Variants in SLC35F4 observed in about 807,000 individuals in gnomAD.
SLC35F4 encodes the protein solute carrier family 35 member F4, also known as chromosome 14 open reading frame 36.
In SLC35F4, 24 loss-of-function variants were observed where a neutral mutation model predicts 44.2. The ratio of observed to expected loss-of-function variants is 0.54; its 90% confidence interval spans 0.39 to 0.76. SLC35F4 has a LOEUF of 0.76. SLC35F4 is among the 30% of genes least tolerant of loss of function. The probability of loss-of-function intolerance (pLI) is 0.00; values close to 1 mark genes in which losing one functional copy is unlikely to be tolerated. For synonymous variants in SLC35F4, 238 were observed against 223.6 expected, an observed-to-expected ratio of 1.06 and a Z score of -0.57; for missense variants, 562 against 586.1, an observed-to-expected ratio of 0.96 and a Z score of 0.42.
At chr14:57,788,909 C>G (rs2077838364) in intron 1 of SLC35F4, among the ~76,000 whole-genome samples, 1 of 152,172 alleles carries the variant, frequency 6.6e-6, no homozygotes, top group Non-Finnish European at 1.5e-5. Flanking sequence ...TCCTGAATGA[C>G]TACTGGGTAC....
chr14:57,817,092 A>G (rs1323737485), intron 1 of SLC35F4, among the ~76,000 whole-genome samples: 1 of 152,186 alleles, frequency 6.6e-6, no homozygotes, highest in African/African-American at 2.4e-5. Context: ...CACTATCAAA[A>G]GGCTCACCTC....
At chr14:57,826,160 A>T (rs967239976) in intron 1 of SLC35F4, among the ~76,000 whole-genome samples, 7 of 152,208 alleles carry the variant, frequency 4.6e-5, no homozygotes, top group Non-Finnish European at 1.0e-4. Flanking sequence ...TGGTACAAAA[A>T]CAGACAAATA....
At chr14:57,719,872 G>T (rs2076041023) in intron 1 of SLC35F4, among the ~76,000 whole-genome samples, 1 of 152,056 alleles carries the variant, frequency 6.6e-6, no homozygotes, top group East Asian at 1.9e-4. Flanking sequence ...GTGACAGTAG[G>T]CATCCTTGTG....
At chr14:57,588,541 A>T (rs1369077858) in intron 3 of SLC35F4, among the ~76,000 whole-genome samples, 1 of 152,212 alleles carries the variant, frequency 6.6e-6, no homozygotes, top group African/African-American at 2.4e-5. Context: ...GCTATCCAAG[A>T]GGGGCTTACA....
At chr14:57,724,401 T>C (rs1404980424) in intron 1 of SLC35F4, among the ~76,000 whole-genome samples, 1 of 152,202 alleles carries the variant, frequency 6.6e-6, no homozygotes, top group East Asian at 1.9e-4. Context: ...GTTGGCCTGT[T>C]ACTGGGTTTT....
intron 1 of SLC35F4, among the ~76,000 whole-genome samples, chr14:57,753,310 G>A (rs918149682): frequency 5.3e-5 from 8 of 152,158 alleles, no homozygotes; most frequent in African/African-American, 1.9e-4. Flanking sequence ...CCAGTGATTA[G>A]ATTCTCCTCT....
At chr14:57,961,945 C>A (rs1890347222) in intron 1 of SLC35F4, among the ~76,000 whole-genome samples, 1 of 152,170 alleles carries the variant, frequency 6.6e-6, no homozygotes, top group Non-Finnish European at 1.5e-5. Context: ...TCCCTCTCCT[C>A]CTGAGAGACT....
rs7157370 is a variant in SLC35F4 at position 57,829,260 on chromosome 14, C to G, written c.103+36463G>C. Among the ~76,000 whole-genome samples the G allele has an allele frequency of 0.027, 4,153 of 152,234 alleles. 333 individuals carry two copies. In the East Asian group the frequency reaches 0.33, roughly 12 times the overall value. On this transcript the variant is annotated intron_variant, in intron 1 of 7. Transcript: ENST00000556826. ...ATTTCAGTAGAAGAAGATAACCAGG[C>G]AGCTGGGATCACTGTGAGCAGAAGC...
chr14:57,943,270 T>C (rs1261978935), intron 1 of SLC35F4, among the ~76,000 whole-genome samples: 1 of 152,224 alleles, frequency 6.6e-6, no homozygotes, highest in African/African-American at 2.4e-5. Context: ...AGTTTCTCTT[T>C]CAAGTTATCC....
intron 1 of SLC35F4, among the ~76,000 whole-genome samples, chr14:57,744,769 G>A (rs2076710467): frequency 6.6e-6 from 1 of 152,082 alleles, no homozygotes; most frequent in African/African-American, 2.4e-5. Flanking sequence ...ACCAAAAAAG[G>A]CCCACATTGC....
rs990351571 is a variant in SLC35F4 at position 57,620,001 on chromosome 14, G to T, written c.104-25877C>A. 2.0e-5 allele frequency among the ~76,000 whole-genome samples: 3 copies of T among 152,114 alleles called. No individual in the cohort carries two copies. The East Asian group carries it at 5.8e-4, about 29-fold the overall frequency. On this transcript the variant is annotated intron_variant, in intron 1 of 7. Transcript: ENST00000556826. ...AAGACAAGATTAGTGAAAAAAGAAT[G>T]AAAAGAAATGAAAAAAGCCTCCAAG...
intron 1 of SLC35F4, among the ~76,000 whole-genome samples, chr14:57,774,534 G>A (rs545683837): frequency 9.8e-5 from 15 of 152,298 alleles, no homozygotes; most frequent in Non-Finnish European, 1.6e-4. Flanking sequence ...AGCCCTAGGG[G>A]AACTGTCTGA....
chr14:57,573,510 G>A (rs2068620390), intron 4 of SLC35F4, among the ~76,000 whole-genome samples: 1 of 152,092 alleles, frequency 6.6e-6, no homozygotes, highest in South Asian at 2.1e-4. Context: ...AAGAATTTAG[G>A]TGTCAAGGAG....
At chr14:57,723,551 G>A (rs193252166) in intron 1 of SLC35F4, among the ~76,000 whole-genome samples, 11 of 152,250 alleles carry the variant, frequency 7.2e-5, no homozygotes, top group African/African-American at 2.2e-4. Context: ...AATTGCAGCT[G>A]CTGTACCAGA....
chr14:57,665,493 A>C (rs962705841), intron 1 of SLC35F4, among the ~76,000 whole-genome samples: 1 of 152,198 alleles, frequency 6.6e-6, no homozygotes, highest in Non-Finnish European at 1.5e-5. Flanking sequence ...TAACTTGTTC[A>C]AGGTCACCCA....
chr14:57,788,068 G>A (rs546059994), intron 1 of SLC35F4, among the ~76,000 whole-genome samples: 2 of 152,164 alleles, frequency 1.3e-5, no homozygotes, highest in South Asian at 4.1e-4. Context: ...AAAGCAAAGG[G>A]GTGGAAAAAG....
chr14:57,578,758 T>C (rs927097425), intron 4 of SLC35F4: 3 of 152,202 alleles, frequency 2.0e-5, no homozygotes, highest in Admixed American at 6.5e-5. Flanking sequence ...ATCTATGATG[T>C]CTTCACTTAT....
chr14:57,669,958 C>T (rs188269528), intron 1 of SLC35F4, among the ~76,000 whole-genome samples: 3,710 of 152,064 alleles, frequency 0.024, 163 homozygotes, highest in African/African-American at 0.084. Context: ...TCCATCTGGT[C>T]CTGGACTTTT....
intron 1 of SLC35F4, among the ~76,000 whole-genome samples, chr14:57,928,158 C>T (rs1270397937): frequency 6.6e-6 from 1 of 152,054 alleles, no homozygotes; most frequent in East Asian, 1.9e-4. Context: ...GGCACTCAAT[C>T]CCCCAGCCAG....
Sources: gnomAD v4.1 joint callset for allele counts (sites outside exome capture counted in the v4.1 genomes callset) on GRCh38, gnomAD v4.1.1 for gene constraint, MANE v1.5 for transcripts, NCBI Gene and HGNC (gene_info 2026-07-23, HGNC 2026-07-21) for gene names.